The following DGLUCY variants were observed in gnomAD, a reference collection of about 807,000 sequenced individuals.
DGLUCY encodes the protein D-glutamate cyclase, mitochondrial.
Under a neutral mutation model 58.5 loss-of-function variants are expected in DGLUCY, and 58 were observed. The ratio of observed to expected loss-of-function variants is 0.99; its 90% CI spans 0.80 to 1.23. The LOEUF (loss-of-function observed/expected upper bound fraction) is 1.23, where lower values mean the gene tolerates loss of function less well. Among genes scored for constraint, DGLUCY ranks in the 50% most tolerant of loss-of-function variants. The pLI, the probability that DGLUCY is intolerant of heterozygous loss-of-function variation, is 0.00. For missense variants in DGLUCY, 779 were observed against 784.7 expected (o/e 0.99, Z 0.09); for synonymous variants, 325 against 314.1 (o/e 1.03, Z -0.37).
At chr14:91,165,342 G>A in intron 3 of DGLUCY, 1 of 443,786 alleles carries the variant, frequency 2.3e-6, no homozygotes, top group Non-Finnish European at 4.5e-6. Context: ...TTGGAGGTAG[G>A]TATGGTTGCT....
intron 8 of DGLUCY, among the ~76,000 whole-genome samples, chr14:91,181,975 T>TTATG (rs1458512559): frequency 6.6e-6 from 1 of 151,360 alleles, no homozygotes; most frequent in Non-Finnish European, 1.5e-5. Context: ...TTTTATTTAT[T>TTATG]TATTTATTTA....
At chr14:91,131,500 G>C (rs888097514) in intron 1 of DGLUCY, among the ~76,000 whole-genome samples, 3 of 151,534 alleles carry the variant, frequency 2.0e-5, no homozygotes, top group Non-Finnish European at 4.4e-5. Context: ...AAGTTGTAGG[G>C]TACATGTGCA....
chr14:91,158,250 A>T (rs930606854), intron 2 of DGLUCY, among the ~76,000 whole-genome samples: 22 of 152,232 alleles, frequency 1.4e-4, no homozygotes, highest in Non-Finnish European at 2.6e-4. Flanking sequence ...TGACCTGCCA[A>T]AGCAGCTGCT....
intron 12 of DGLUCY, among the ~76,000 whole-genome samples, chr14:91,213,710 G>GTTTGTTTGTTTGTTTT (rs1886081696): frequency 6.6e-6 from 1 of 151,864 alleles, no homozygotes; most frequent in Non-Finnish European, 1.5e-5. Context: ...TTGTTTGTTT[G>GTTTGTTTGTTTGTTTT]TTTGTTTGTT....
intron 1 of DGLUCY, among the ~76,000 whole-genome samples, chr14:91,108,401 G>T (rs1168630400): frequency 6.6e-6 from 1 of 151,986 alleles, no homozygotes; most frequent in Non-Finnish European, 1.5e-5. Flanking sequence ...AGCAGAGTCT[G>T]TGTCAGTAAG....
At chr14:91,170,328 C>A in intron 5 of DGLUCY, 127 bp downstream of exon 5, 1 of 1,050,142 alleles carries the variant, frequency 9.5e-7, no homozygotes, top group Non-Finnish European at 1.3e-6. Context: ...CCCAGCTCAG[C>A]CATTTCTAGC....
intron 1 of DGLUCY, among the ~76,000 whole-genome samples, chr14:91,122,977 G>T (rs2045473686): frequency 6.6e-6 from 1 of 152,096 alleles, no homozygotes; most frequent in Admixed American, 6.6e-5. Context: ...GCACTACTCT[G>T]GGTTTGTGGG....
At chr14:91,223,234 A>G (rs535842445) in intron 13 of DGLUCY, among the ~76,000 whole-genome samples, 302 of 152,202 alleles carry the variant, frequency 2.0e-3, no homozygotes, top group Non-Finnish European at 3.4e-3. Context: ...TAGACTGTGA[A>G]CCCCATGGGG....
At chr14:91,099,847 G>A (rs918774159) in intron 1 of DGLUCY, among the ~76,000 whole-genome samples, 1 of 152,142 alleles carries the variant, frequency 6.6e-6, no homozygotes. Flanking sequence ...CTAGGTCTCA[G>A]TTTCCTCACC....
rs372209590 is a variant in DGLUCY at position 91,167,301 on chromosome 14, T to C, written c.180T>C (p.Thr60=). The part of the protein sequence containing the change: ...PAFERFCQVN[T]GPLPLLGQSE... ...TTGAAAGATTCTGCCAGGTCAACACTGGTCCTCTACCCCTGCTGGGCCAGA... is the reference window on the plus strand; with the variant it reads ...TTGAAAGATTCTGCCAGGTCAACACCGGTCCTCTACCCCTGCTGGGCCAGA... Residue 60 remains threonine, a synonymous_variant, in exon 4 of 14, where the codon ACT becomes ACC. Transcript: ENST00000256324. 2 of 1,613,930 alleles carry C rather than the reference T, an allele frequency of 1.2e-6. No individual in the cohort carries two copies. Among genetic ancestry groups the C allele is most frequent in the Non-Finnish European group, 1.7e-6 (2 of 1,179,946 alleles).
At position 91,158,339 on chromosome 14, in the gene DGLUCY, G is replaced by A. The variant is rs559969633; in HGVS notation, c.-30+649G>A. ...CCAGCACCCCCTCCCACTAGCCTGCGGGGACTAAGTGTTCTCTCCCCTGTG... is the reference window on the plus strand; with the variant it reads ...CCAGCACCCCCTCCCACTAGCCTGCAGGGACTAAGTGTTCTCTCCCCTGTG... On this transcript the variant is annotated intron_variant, in intron 2 of 13. Transcript: ENST00000256324. 8.4e-4 allele frequency among the ~76,000 whole-genome samples: 128 copies of A among 152,268 alleles called. 2 individuals are homozygous for A. In the South Asian group the frequency reaches 0.016, roughly 19 times the overall value.
intron 1 of DGLUCY, among the ~76,000 whole-genome samples, chr14:91,124,334 C>T (rs1187996559): frequency 6.6e-6 from 1 of 152,212 alleles, no homozygotes; most frequent in Non-Finnish European, 1.5e-5. Flanking sequence ...CATCCTCCCT[C>T]CTCCTGATGC....
At chr14:91,183,308 A>G (rs546657287) in intron 8 of DGLUCY, among the ~76,000 whole-genome samples, 5 of 152,202 alleles carry the variant, frequency 3.3e-5, no homozygotes, top group South Asian at 2.1e-4. Context: ...GCTGATTCCA[A>G]TTAGAAAGAG....
chr14:91,194,642 G>T (rs2050099685), intron 9 of DGLUCY, among the ~76,000 whole-genome samples: 1 of 151,898 alleles, frequency 6.6e-6, no homozygotes, highest in East Asian at 1.9e-4. Context: ...CCGGGTTCAA[G>T]TGATTCTCCT....
At chr14:91,188,345 C>T (rs1481265821) in intron 8 of DGLUCY, among the ~76,000 whole-genome samples, 9 of 152,148 alleles carry the variant, frequency 5.9e-5, no homozygotes, top group African/African-American at 2.4e-5. Flanking sequence ...CCCAATCTCG[C>T]GGCCACACCA....
intron 11 of DGLUCY, among the ~76,000 whole-genome samples, chr14:91,203,586 A>G (rs907066614): frequency 2.0e-5 from 3 of 152,094 alleles, no homozygotes; most frequent in Non-Finnish European, 4.4e-5. Flanking sequence ...AGACTCCTCT[A>G]TAAATACCTG....
chr14:91,223,243 G>A (rs978842621), intron 13 of DGLUCY, among the ~76,000 whole-genome samples: 1 of 152,164 alleles, frequency 6.6e-6, no homozygotes, highest in Non-Finnish European at 1.5e-5. Flanking sequence ...AACCCCATGG[G>A]GGCAGGAACC....
At chr14:91,211,994 G>C (rs182394662) in intron 12 of DGLUCY, among the ~76,000 whole-genome samples, 1 of 152,120 alleles carries the variant, frequency 6.6e-6, no homozygotes, top group Admixed American at 6.5e-5. Context: ...ATAGAGACGG[G>C]GTTTCACCAT....
At chr14:91,177,627 A>T (rs1444947162) in intron 7 of DGLUCY, among the ~76,000 whole-genome samples, 1 of 152,256 alleles carries the variant, frequency 6.6e-6, no homozygotes, top group East Asian at 1.9e-4. Context: ...GGTCATGGAC[A>T]CTGGAAAATT....
Sources: gnomAD v4.1 joint callset for allele counts (sites outside exome capture counted in the v4.1 genomes callset) on GRCh38, gnomAD v4.1.1 for gene constraint, MANE v1.5 for transcripts, NCBI Gene and HGNC (gene_info 2026-07-23, HGNC 2026-07-21) for gene names.